Variants in C2orf49 observed in about 807,000 individuals in gnomAD.
C2orf49 encodes tRNA splicing ligase complex subunit 2, also known as tRNA-splicing ligase complex subunit ASW.
In C2orf49, 11 loss-of-function variants were observed where a neutral mutation model predicts 20.6. That is an observed-to-expected ratio of 0.53 (90% CI 0.34 to 0.88). The LOEUF is 0.88. Ranked by LOEUF, C2orf49 falls within the 40% of genes least tolerant of loss-of-function variation. The pLI is 0.02. For missense variants in C2orf49, 289 were observed against 274.2 expected (o/e 1.05, Z -0.38); for synonymous variants, 134 against 108.5 (o/e 1.24, Z -1.46).
chr2:105,350,606 C>G (rs1163952820), downstream of C2orf49, among the ~76,000 whole-genome samples: 3 of 152,188 alleles, frequency 2.0e-5, no homozygotes, highest in Non-Finnish European at 4.4e-5. Flanking sequence ...ACTTCTTTGA[C>G]TAACAAACAT....
At chr2:105,355,143 A>G in the C2orf49 span, among the ~76,000 whole-genome samples, 3 of 152,204 alleles carry the variant, frequency 2.0e-5, no homozygotes, top group Non-Finnish European at 4.4e-5. Flanking sequence ...ACCACCACAT[A>G]TAAGTGTGAA....
the C2orf49 span, chr2:105,375,206 C>G: frequency 6.6e-6 from 1 of 152,244 alleles, no homozygotes; most frequent in East Asian, 1.9e-4. Context: ...TTCCCGGAAC[C>G]TGGAACCAAA....
In C2orf49 at chr2:105,348,963, G is replaced by T. The variant is rs925876578; in HGVS notation, c.*3592G>T. 1 of 152,118 alleles carries T rather than the reference G, an allele frequency of 6.6e-6. No homozygotes were observed. Among genetic ancestry groups the T allele is most frequent in the African/African-American group, 2.4e-5 (1 of 41,414 alleles). The allele number at this position is 152,118 out of a possible 1,614,324, so 9.4% of individuals were successfully genotyped here. A position where few individuals can be genotyped will look rare whatever the true frequency, so the allele number is the denominator to read the frequency against. On this transcript the variant is annotated 3_prime_UTR_variant, in exon 4 of 4. Transcript: ENST00000258457. ...TTTGAATGAGAGGGTGGCTGGAGTG[G>T]TCTGGTGCTGGGATATCACGGTGCT...
the C2orf49 span, among the ~76,000 whole-genome samples, chr2:105,368,285 A>G: frequency 6.6e-6 from 1 of 152,226 alleles, no homozygotes; most frequent in Admixed American, 6.5e-5. Flanking sequence ...TGATGTATCT[A>G]GGTAGTTTTA....
chr2:105,343,727 A>G (rs1558667441), intron 3 of C2orf49, among the ~76,000 whole-genome samples: 1 of 152,134 alleles, frequency 6.6e-6, no homozygotes, highest in Non-Finnish European at 1.5e-5. Context: ...CTTTGTGGGG[A>G]TAGCAGAAGT....
At chr2:105,373,367 C>T in the C2orf49 span, among the ~76,000 whole-genome samples, 5 of 152,288 alleles carry the variant, frequency 3.3e-5, no homozygotes, top group East Asian at 7.7e-4. Flanking sequence ...AAAAAGATCC[C>T]GTTACTGCCC....
chr2:105,347,613 T>C lies in C2orf49; in HGVS notation c.*2242T>C, dbSNP rs1189659721. 2 of 152,226 alleles carry C rather than the reference T, an allele frequency of 1.3e-5. No individual in the cohort carries two copies. The highest frequency in any genetic ancestry group is 2.9e-5 in the Non-Finnish European group (2 of 68,034). The allele number at this position is 152,226 out of a possible 1,614,324, so 9.4% of individuals were successfully genotyped here. ...TGAAATGTGGAGAAACGCTAAACCATGTACTATGTGTTAACATAATCCCAC... is the reference window on the plus strand; with the variant it reads ...TGAAATGTGGAGAAACGCTAAACCACGTACTATGTGTTAACATAATCCCAC... On this transcript the variant is annotated 3_prime_UTR_variant, in exon 4 of 4. Coordinates refer to ENST00000258457, the MANE Select transcript of C2orf49 (RefSeq NM_024093.3).
intron 2 of C2orf49, among the ~76,000 whole-genome samples, chr2:105,340,426 G>C (rs1679635978): frequency 6.6e-6 from 1 of 152,194 alleles, no homozygotes; most frequent in Non-Finnish European, 1.5e-5. Context: ...CAAATTAGAA[G>C]CCTGTACTGT....
the C2orf49 span, among the ~76,000 whole-genome samples, chr2:105,356,238 A>G: frequency 6.6e-6 from 1 of 152,052 alleles, no homozygotes; most frequent in African/African-American, 2.4e-5. Context: ...TAGAAATACA[A>G]AAATGAGCTG....
chr2:105,352,310 C>G (rs1679953233), downstream of C2orf49, among the ~76,000 whole-genome samples: 1 of 151,920 alleles, frequency 6.6e-6, no homozygotes. Context: ...AAATAAATCC[C>G]TAGACAAACA....
the C2orf49 span, chr2:105,360,959 T>C: frequency 2.5e-5 from 5 of 203,172 alleles, no homozygotes; most frequent in Non-Finnish European, 4.9e-5. Context: ...TCGTGACATA[T>C]GTTAATTGCA....
chr2:105,362,207 T>G, the C2orf49 span, among the ~76,000 whole-genome samples: 1 of 152,230 alleles, frequency 6.6e-6, no homozygotes, highest in African/African-American at 2.4e-5. Flanking sequence ...AAGATTACAT[T>G]TTCCCCCTAA....
the C2orf49 span, among the ~76,000 whole-genome samples, chr2:105,363,716 C>CA: frequency 2.6e-5 from 4 of 152,194 alleles, no homozygotes; most frequent in Non-Finnish European, 5.9e-5. Flanking sequence ...CAGCCCTTCC[C>CA]AGGGATGCTG....
downstream of C2orf49, among the ~76,000 whole-genome samples, chr2:105,350,579 A>G (rs1679909821): frequency 6.6e-6 from 1 of 152,250 alleles, no homozygotes. Flanking sequence ...TCAGGTAAAT[A>G]GTTTAAACTA....
the C2orf49 span, among the ~76,000 whole-genome samples, chr2:105,377,012 G>A: frequency 6.6e-6 from 1 of 152,228 alleles, no homozygotes; most frequent in Non-Finnish European, 1.5e-5. Flanking sequence ...CCAGGGGCTG[G>A]GATGAGAGGG....
At chr2:105,337,781 A>G (rs1573238721) in intron 1 of C2orf49, 95 bp downstream of exon 1, 1 of 1,135,890 alleles carries the variant, frequency 8.8e-7, no homozygotes, top group East Asian at 2.6e-5. Context: ...GCAACCACGG[A>G]CACTCCCGCC....
chr2:105,355,891 A>T, the C2orf49 span, among the ~76,000 whole-genome samples: 2 of 151,922 alleles, frequency 1.3e-5, no homozygotes, highest in Non-Finnish European at 2.9e-5. Flanking sequence ...ATAGTAAAAA[A>T]TTGCCAGCAA....
chr2:105,371,687 T>C, the C2orf49 span, among the ~76,000 whole-genome samples: 4 of 152,250 alleles, frequency 2.6e-5, no homozygotes, highest in Non-Finnish European at 4.4e-5. Context: ...CCGGGAAATA[T>C]GCATACTTTT....
At position 105,348,135 on chromosome 2, in the gene C2orf49, C is replaced by G. The variant is rs932516040; in HGVS notation, c.*2764C>G. 5.3e-5 allele frequency: 8 copies of G among 152,140 alleles called. No homozygotes were observed. Among genetic ancestry groups the G allele is most frequent in the African/African-American group, 1.7e-4 (7 of 41,402 alleles). The allele number at this position is 152,140 out of a possible 1,614,324, so 9.4% of individuals were successfully genotyped here. A position where few individuals can be genotyped will look rare whatever the true frequency, so the allele number is the denominator to read the frequency against. On this transcript the variant is annotated 3_prime_UTR_variant, in exon 4 of 4. Coordinates refer to ENST00000258457, the MANE Select transcript of C2orf49 (RefSeq NM_024093.3). ...GGTTTGCAAGTCATATTGCTTGGCCCTCCACATTCACTGAGAGGTGAAGAT... is the reference window on the plus strand; with the variant it reads ...GGTTTGCAAGTCATATTGCTTGGCCGTCCACATTCACTGAGAGGTGAAGAT...
Sources: allele counts gnomAD v4.1 joint callset (sites outside exome capture counted in the v4.1 genomes callset), GRCh38; gene constraint gnomAD v4.1.1; transcripts MANE v1.5; gene names NCBI Gene and HGNC (gene_info 2026-07-23, HGNC 2026-07-21).